The following EYA4 variants were observed in gnomAD, a reference collection of about 807,000 sequenced individuals.
The protein encoded by EYA4 is protein phosphatase EYA4.
Under a neutral mutation model 87.9 loss-of-function variants are expected in EYA4, and 31 were observed. That is an observed-to-expected ratio of 0.35 (90% CI 0.27 to 0.48). The LOEUF (loss-of-function observed/expected upper bound fraction) is 0.48, where lower values mean the gene tolerates loss of function less well. EYA4 is among the 20% of genes least tolerant of loss of function. EYA4 has a pLI of 0.99. For synonymous variants in EYA4, 263 were observed against 270.6 expected (o/e 0.97, Z 0.28); for missense variants, 678 against 761.4 (o/e 0.89, Z 1.29).
At chr6:133,487,759 G>A (rs544532932) in intron 13 of EYA4, among the ~76,000 whole-genome samples, 2 of 152,312 alleles carry the variant, frequency 1.3e-5, no homozygotes, top group East Asian at 3.9e-4. Context: ...GGCCTTGGGT[G>A]AGACTCAGAG....
intron 13 of EYA4, among the ~76,000 whole-genome samples, chr6:133,503,767 T>G (rs1419998565): frequency 1.4e-5 from 2 of 147,956 alleles, no homozygotes; most frequent in East Asian, 2.0e-4. Context: ...AGACAAAATG[T>G]TTTTTTTTTA....
At chr6:133,321,194 A>G (rs531835885) in intron 2 of EYA4, among the ~76,000 whole-genome samples, 32 of 152,142 alleles carry the variant, frequency 2.1e-4, no homozygotes, top group African/African-American at 7.2e-4. Context: ...TACTTACTTA[A>G]CTTTGTTTAT....
chr6:133,367,833 T>A (rs1180719936), intron 2 of EYA4, among the ~76,000 whole-genome samples: 2 of 152,192 alleles, frequency 1.3e-5, no homozygotes, highest in Admixed American at 6.5e-5. Flanking sequence ...GATTGCTATG[T>A]GCTTGGTTTT....
chr6:133,317,470 TTAA>T (rs563500074), intron 2 of EYA4, among the ~76,000 whole-genome samples: 37 of 152,206 alleles, frequency 2.4e-4, no homozygotes, highest in Middle Eastern at 3.2e-3. Context: ...GTGTATGTAA[TTAA>T]TAATAATGTA....
intron 3 of EYA4, among the ~76,000 whole-genome samples, chr6:133,423,245 T>C (rs1026315250): frequency 2.0e-5 from 3 of 152,186 alleles, no homozygotes; most frequent in African/African-American, 7.2e-5. Context: ...TATCAGTATT[T>C]ATGCAAAATA....
intron 3 of EYA4, among the ~76,000 whole-genome samples, chr6:133,396,069 G>A (rs1054854244): frequency 6.6e-5 from 10 of 151,904 alleles, no homozygotes; most frequent in Non-Finnish European, 1.3e-4. Context: ...TTTACCATGG[G>A]CATTGCACTT....
At chr6:133,448,044 T>C (rs983798936) in intron 4 of EYA4, 67 bp from the exon 5 acceptor site, 79 of 1,211,266 alleles carry the variant, frequency 6.5e-5, no homozygotes, top group Admixed American at 1.7e-5. Flanking sequence ...GTGCAAGCAT[T>C]GAAGATTATT....
intron 1 of EYA4, among the ~76,000 whole-genome samples, chr6:133,255,060 GAAT>G (rs1562211174): frequency 6.6e-6 from 1 of 152,210 alleles, no homozygotes. Context: ...TGTACATGGG[GAAT>G]AATAACAGTA....
chr6:133,397,985 A>G lies in EYA4; in HGVS notation c.83+15544A>G, dbSNP rs17062452. On this transcript the variant is annotated intron_variant, in intron 3 of 19. Transcript: ENST00000355286. ...GGGGACACAGACAAACCATATCACC[A>G]TGTTTCTTACAGTGCATTGTTTTGT... Among the ~76,000 whole-genome samples the G allele has an allele frequency of 1.1e-4, 17 of 152,278 alleles. No homozygotes were observed. In the East Asian group the frequency reaches 1.7e-3, roughly 16 times the overall value.
In EYA4 at chr6:133,481,471, G is replaced by A. The variant is rs144415484; in HGVS notation, c.979G>A (p.Asp327Asn). The change falls in exon 12 of 20, where the codon GAT becomes AAT. Residue 327 changes from aspartate to asparagine, a missense_variant. Coordinates refer to ENST00000355286, the MANE Select transcript of EYA4 (RefSeq NM_004100.5). Reference protein sequence around the residue: ...PGLTNQPGEFDTMQSPSTPIK... With the variant: ...PGLTNQPGEFNTMQSPSTPIK... ...AGTCATGTTATCTATAGGAGAGTTC[G>A]ATACCATGCAGAGTCCCTCCACACC... is the stretch of plus-strand genomic sequence containing the variant. 384 of 1,613,758 alleles carry A rather than the reference G, an allele frequency of 2.4e-4. No individual in the cohort carries two copies. The highest frequency in any genetic ancestry group is 2.3e-4 in the Admixed American group (14 of 60,000).
At chr6:133,468,016 TG>T (rs1353213279) in intron 10 of EYA4, among the ~76,000 whole-genome samples, 1 of 151,870 alleles carries the variant, frequency 6.6e-6, no homozygotes, top group Non-Finnish European at 1.5e-5. Flanking sequence ...TGTGAGAGGC[TG>T]GGTAAAAAAA....
intron 3 of EYA4, among the ~76,000 whole-genome samples, chr6:133,400,006 T>G (rs1171956891): frequency 6.6e-6 from 1 of 152,226 alleles, no homozygotes; most frequent in Non-Finnish European, 1.5e-5. Context: ...TAGGGTTCCT[T>G]GCATTATTCT....
intron 19 of EYA4, chr6:133,525,780 G>A (rs543701904): frequency 3.3e-5 from 13 of 393,400 alleles, no homozygotes; most frequent in African/African-American, 2.8e-4. Flanking sequence ...CATGCTCCAT[G>A]ATAAGGAATG....
intron 1 of EYA4, among the ~76,000 whole-genome samples, chr6:133,264,353 G>A (rs184323950): frequency 9.2e-5 from 14 of 152,358 alleles, no homozygotes; most frequent in African/African-American, 3.4e-4. Context: ...TGAGGACAGG[G>A]TAAAGCTCTG....
At chr6:133,434,176 C>G (rs1013493607) in intron 3 of EYA4, among the ~76,000 whole-genome samples, 3 of 152,146 alleles carry the variant, frequency 2.0e-5, no homozygotes, top group Non-Finnish European at 2.9e-5. Context: ...AGAGAAAAAG[C>G]TCTTGGGCAG....
At chr6:133,420,847 C>T (rs969724224) in intron 3 of EYA4, among the ~76,000 whole-genome samples, 3 of 152,176 alleles carry the variant, frequency 2.0e-5, no homozygotes, top group African/African-American at 4.8e-5. Flanking sequence ...AAGTACTTCT[C>T]TAAACTCTTC....
chr6:133,355,092 C>G lies in EYA4; in HGVS notation c.34-27300C>G, dbSNP rs534087156. On this transcript the variant is annotated intron_variant, in intron 2 of 19. Coordinates refer to ENST00000355286, the MANE Select transcript of EYA4 (RefSeq NM_004100.5). ...TAGTTTCTTTTTCCTTTCTTTTTTT[C>G]TAACTTTTATTTTAAGTTCAGGGGT... is the stretch of plus-strand genomic sequence containing the variant. Among the ~76,000 whole-genome samples the G allele has an allele frequency of 5.3e-5, 8 of 152,066 alleles. No individual in the cohort carries two copies. The South Asian group carries it at 1.7e-3, about 32-fold the overall frequency.
intron 2 of EYA4, among the ~76,000 whole-genome samples, chr6:133,323,351 A>T (rs1212888424): frequency 1.3e-5 from 2 of 152,158 alleles, no homozygotes; most frequent in Non-Finnish European, 2.9e-5. Context: ...GAGACTCAGA[A>T]CTGCAGAGTG....
At chr6:133,244,806 T>A (rs1430935473) in intron 1 of EYA4, among the ~76,000 whole-genome samples, 2 of 152,124 alleles carry the variant, frequency 1.3e-5, no homozygotes, top group Non-Finnish European at 2.9e-5. Context: ...TATATTTATA[T>A]GGCTTGATAT....
Sources: gnomAD v4.1 joint callset for allele counts (sites outside exome capture counted in the v4.1 genomes callset) on GRCh38, gnomAD v4.1.1 for gene constraint, MANE v1.5 for transcripts, NCBI Gene and HGNC (gene_info 2026-07-23, HGNC 2026-07-21) for gene names.